Variants in IL15 observed in about 807,000 individuals in gnomAD.
IL15 encodes the protein interleukin 15.
A neutral mutation model predicts 19.6 loss-of-function variants in IL15; 11 were observed. That is an observed-to-expected ratio of 0.56 (90% confidence interval 0.35 to 0.93). The LOEUF (loss-of-function observed/expected upper bound fraction) is 0.93. IL15 is among the 40% of genes least tolerant of loss of function. The pLI is 0.01. For missense variants in IL15, 197 were observed against 186.5 expected, an observed-to-expected ratio of 1.06 and a Z score of -0.33; for synonymous variants, 58 against 59.6, an observed-to-expected ratio of 0.97 and a Z score of 0.12.
In IL15 at chr4:141,664,348, CACACACA is replaced by C. The variant is rs1198594837; in HGVS notation, c.-100+8042_-100+8048del. 3.4e-4 allele frequency among the ~76,000 whole-genome samples: 41 copies of C among 119,480 alleles called. 1 individual carries two copies. Among genetic ancestry groups the C allele is most frequent in the African/African-American group, 1.5e-3 (40 of 25,882 alleles). The allele number at this position is 119,480 out of a possible 152,430, so 78.4% of individuals were successfully genotyped here. Reference sequence around the variant, plus strand: ...AAAATTCTTTGGTGGGCAAAACACACACACACACACACACACACACACACACACACAC... The same window carrying C: ...AAAATTCTTTGGTGGGCAAAACACACCACACACACACACACACACACACAC... On this transcript the variant is annotated intron_variant, in intron 2 of 7. Coordinates refer to ENST00000320650, the MANE Select transcript of IL15 (RefSeq NM_000585.5).
At chr4:141,701,435 G>GT (rs1729308399) in intron 2 of IL15, among the ~76,000 whole-genome samples, 1 of 152,070 alleles carries the variant, frequency 6.6e-6, no homozygotes. Context: ...TTTTCCAAAT[G>GT]TTGTTTGTAG....
chr4:141,705,299 G>C (rs1729472496), intron 2 of IL15, among the ~76,000 whole-genome samples: 1 of 151,712 alleles, frequency 6.6e-6, no homozygotes, highest in Non-Finnish European at 1.5e-5. Context: ...GTTTGTCTGA[G>C]GGAAATTTTT....
chr4:141,733,022 T>C lies in IL15; in HGVS notation c.*174T>C. On this transcript the variant is annotated 3_prime_UTR_variant, in exon 8 of 8. Transcript: ENST00000320650. Reference sequence around the variant, plus strand: ...TAGAAATGAAGGCAGAAAAATGTCATTGAGTAATATAGTGACTATGAACTT... The same window carrying C: ...TAGAAATGAAGGCAGAAAAATGTCACTGAGTAATATAGTGACTATGAACTT... 1 of 956,482 alleles carries C rather than the reference T, an allele frequency of 1.0e-6. No individual in the cohort carries two copies. The highest frequency in any genetic ancestry group is 2.1e-5 in the South Asian group (1 of 47,184). 59.2% of individuals were successfully genotyped at this position (956,482 alleles called of 1,614,324 possible).
intron 2 of IL15, among the ~76,000 whole-genome samples, chr4:141,679,112 G>A (rs1728453166): frequency 6.6e-6 from 1 of 152,148 alleles, no homozygotes; most frequent in South Asian, 2.1e-4. Flanking sequence ...AGTGGTATTA[G>A]GAGCAGTATG....
chr4:141,668,747 T>C (rs961490830), intron 2 of IL15, among the ~76,000 whole-genome samples: 1 of 152,224 alleles, frequency 6.6e-6, no homozygotes, highest in East Asian at 1.9e-4. Context: ...TTAGCCTCCA[T>C]TGACAAATCA....
At chr4:141,714,155 AT>A (rs1729796858) in intron 2 of IL15, among the ~76,000 whole-genome samples, 1 of 151,662 alleles carries the variant, frequency 6.6e-6, no homozygotes, top group African/African-American at 2.4e-5. Context: ...ATGTCTTTTT[AT>A]TTTAATTCAC....
chr4:141,658,863 T>A (rs1412313754), intron 2 of IL15, among the ~76,000 whole-genome samples: 2 of 8,548 alleles, frequency 2.3e-4, no homozygotes, highest in Non-Finnish European at 4.0e-4. Flanking sequence ...TTCTTGGAAT[T>A]TTTTTTTTTT....
At chr4:141,670,971 G>A (rs1336318510) in intron 2 of IL15, among the ~76,000 whole-genome samples, 1 of 152,122 alleles carries the variant, frequency 6.6e-6, no homozygotes, top group Non-Finnish European at 1.5e-5. Flanking sequence ...TGCACAATGG[G>A]GTGAGTTGTG....
At chr4:141,677,842 A>G (rs1025195417) in intron 2 of IL15, among the ~76,000 whole-genome samples, 1 of 152,222 alleles carries the variant, frequency 6.6e-6, no homozygotes, top group African/African-American at 2.4e-5. Context: ...AACATGAAAC[A>G]ATCACAGGAG....
chr4:141,701,402 A>G (rs1175871871), intron 2 of IL15, among the ~76,000 whole-genome samples: 1 of 151,770 alleles, frequency 6.6e-6, no homozygotes, highest in Non-Finnish European at 1.5e-5. Context: ...TTCCTTAGTT[A>G]TAGAGAGACG....
At chr4:141,682,861 G>A (rs548858756) in intron 2 of IL15, among the ~76,000 whole-genome samples, 4 of 152,108 alleles carry the variant, frequency 2.6e-5, no homozygotes, top group Non-Finnish European at 5.9e-5. Context: ...GGAAGGCCCG[G>A]GAATGGCATG....
chr4:141,687,270 A>G (rs1341081253), intron 2 of IL15, among the ~76,000 whole-genome samples: 3 of 152,210 alleles, frequency 2.0e-5, no homozygotes. Flanking sequence ...AGTAGAAAGT[A>G]GCCAAGAGCC....
At chr4:141,693,753 C>CA (rs987481520) in intron 2 of IL15, among the ~76,000 whole-genome samples, 10 of 151,628 alleles carry the variant, frequency 6.6e-5, no homozygotes, top group South Asian at 2.1e-4. Flanking sequence ...TCATTTGAAA[C>CA]AAAAAAAATT....
chr4:141,694,965 C>G (rs1333770279), intron 2 of IL15, among the ~76,000 whole-genome samples: 1 of 152,190 alleles, frequency 6.6e-6, no homozygotes. Context: ...ATATACCCCT[C>G]TCTCCATGTC....
At chr4:141,651,549 A>C (rs777873832) in intron 1 of IL15, among the ~76,000 whole-genome samples, 3 of 152,128 alleles carry the variant, frequency 2.0e-5, no homozygotes, top group Non-Finnish European at 4.4e-5. Flanking sequence ...TAGCCATGTA[A>C]CAAAACTGCC....
At chr4:141,661,057 G>A (rs1446306060) in intron 2 of IL15, among the ~76,000 whole-genome samples, 1 of 152,160 alleles carries the variant, frequency 6.6e-6, no homozygotes, top group African/African-American at 2.4e-5. Flanking sequence ...GGAAACCACA[G>A]AGAAAATTAT....
At chr4:141,646,820 T>A (rs1168559807) in intron 1 of IL15, among the ~76,000 whole-genome samples, 1 of 152,102 alleles carries the variant, frequency 6.6e-6, no homozygotes, top group Non-Finnish European at 1.5e-5. Context: ...ATTTGATTAT[T>A]AACATCTCCC....
intron 1 of IL15, among the ~76,000 whole-genome samples, chr4:141,638,962 T>G (rs1022174355): frequency 7.9e-5 from 12 of 152,234 alleles, no homozygotes; most frequent in Non-Finnish European, 1.5e-5. Context: ...GTTAACTATT[T>G]TTCTGAAGGT....
At chr4:141,694,059 G>A (rs529839196) in intron 2 of IL15, among the ~76,000 whole-genome samples, 4 of 152,194 alleles carry the variant, frequency 2.6e-5, no homozygotes, top group African/African-American at 4.8e-5. Flanking sequence ...AAAAAGGCAA[G>A]TATTTACTGC....
Sources: allele counts gnomAD v4.1 joint callset (sites outside exome capture counted in the v4.1 genomes callset), GRCh38; gene constraint gnomAD v4.1.1; transcripts MANE v1.5; gene names NCBI Gene and HGNC (gene_info 2026-07-23, HGNC 2026-07-21).